Variants in ANKRD65 observed in about 807,000 individuals in gnomAD.
ANKRD65 encodes ankyrin repeat domain 65.
Under a neutral mutation model 17.2 loss-of-function variants are expected in ANKRD65, and 26 were observed. That is an observed-to-expected ratio of 1.51 (90% CI 1.11 to 2.09). The LOEUF is 2.09. Among genes scored for constraint, ANKRD65 ranks in the 30% most tolerant of loss-of-function variants. The pLI, the probability that ANKRD65 is intolerant of heterozygous loss-of-function variation, is 0.00. For missense variants in ANKRD65, 621 were observed against 542.2 expected, an observed-to-expected ratio of 1.15 and a Z score of -1.44; for synonymous variants, 311 against 272.2, an observed-to-expected ratio of 1.14 and a Z score of -1.40.
rs1207414070 is a variant in ANKRD65, at chr1:1,420,795, A to C, written c.209+2T>G. 6.5e-7 allele frequency: 1 copy of C among 1,544,564 alleles called. No homozygotes were observed. The highest frequency in any genetic ancestry group is 2.0e-5 in the Admixed American group (1 of 50,886). On this transcript the variant is annotated splice_donor_variant, in intron 2 of 3. Coordinates refer to ENST00000537107, the MANE Select transcript of ANKRD65 (RefSeq NM_001145210.3). LOFTEE classifies it high-confidence loss of function. Reference sequence around the variant, plus strand: ...CCCCTTCACCCCCCAGCGCAGGTGCACCTCTCCTCCACGCTGGCACCTTGC... The same window carrying C: ...CCCCTTCACCCCCCAGCGCAGGTGCCCCTCTCCTCCACGCTGGCACCTTGC...
At position 1,418,692 on chromosome 1, in the gene ANKRD65, A is replaced by G. The variant is rs1645487225; in HGVS notation, c.*408T>C. On this transcript the variant is annotated 3_prime_UTR_variant, in exon 4 of 4. Coordinates refer to ENST00000537107, the MANE Select transcript of ANKRD65 (RefSeq NM_001145210.3). ...TATGAATAACATCGGTTTCTAAGTT[A>G]TGAATTGATTTTCAACTACTGGGTT... The G allele has an allele frequency of 6.0e-6, 1 of 166,244 alleles. No individual in the cohort carries two copies. Among genetic ancestry groups the G allele is most frequent in the South Asian group, 2.0e-4 (1 of 5,068 alleles). 10.3% of individuals were successfully genotyped at this position (166,244 alleles called of 1,614,324 possible).
chr1:1,420,479 C>T lies in ANKRD65; in HGVS notation c.323G>A (p.Arg108His). Residue 108 changes from arginine (R) to histidine (H), a missense_variant, in exon 3 of 4, where the codon CGC becomes CAC. By Grantham distance (29) the Arg-to-His change is conservative. Coordinates refer to ENST00000537107, the MANE Select transcript of ANKRD65 (RefSeq NM_001145210.3). ...CCAGGCGGCCTCGTGCAGCGCGGTG[C>T]GCCCCGCCCGGTCCACCGCGCCCAC... ...APVGAVDRAG[R>H]TALHEAAWHG... 1.6e-6 allele frequency: 2 copies of T among 1,269,654 alleles called. No homozygotes were observed. Among genetic ancestry groups the T allele is most frequent in the South Asian group, 5.8e-5 (2 of 34,646 alleles). The allele number at this position is 1,269,654 out of a possible 1,614,324, so 78.6% of individuals were successfully genotyped here.
In ANKRD65 at chr1:1,418,432, G is replaced by A. The variant is rs1392249891; in HGVS notation, c.*668C>T. On this transcript the variant is annotated 3_prime_UTR_variant, in exon 4 of 4. Transcript: ENST00000537107. ...CTCAGACACCCAGTTGTAGAAGGAA[G>A]GGCTTTATTCAGCTGGGAGCATCGG... The A allele has an allele frequency of 6.6e-6, 1 of 152,252 alleles. No homozygotes were observed. The highest frequency in any genetic ancestry group is 1.5e-5 in the Non-Finnish European group (1 of 68,046). 9.4% of individuals were successfully genotyped at this position (152,252 alleles called of 1,614,324 possible).
chr1:1,419,109 G>A lies in ANKRD65; in HGVS notation c.1191C>T (p.Ser397=). Residue 397 remains serine (S), a synonymous_variant, in exon 4 of 4, where the codon TCC becomes TCT. Transcript: ENST00000537107. Reference sequence around the variant, plus strand: ...GAGCCTGCTGTCTGGCTCAGCCCGTGGACTCTATGCCCTCACACTCCTTCT... The same window carrying A: ...GAGCCTGCTGTCTGGCTCAGCCCGTAGACTCTATGCCCTCACACTCCTTCT... ...GGEKECEGIE[S]TG The A allele has an allele frequency of 6.6e-7, 1 of 1,504,052 alleles. No individual in the cohort carries two copies. The highest frequency in any genetic ancestry group is 8.9e-7 in the Non-Finnish European group (1 of 1,118,638). The allele number at this position is 1,504,052 out of a possible 1,614,324, so 93.2% of individuals were successfully genotyped here. A position where few individuals can be genotyped will look rare whatever the true frequency, so the allele number is the denominator to read the frequency against.
In ANKRD65 at chr1:1,420,334, G is replaced by A. The variant is rs1433255783; in HGVS notation, c.468C>T (p.Ala156=). 3.5e-6 allele frequency: 4 copies of A among 1,150,568 alleles called. No homozygotes were observed. The highest frequency in any genetic ancestry group is 3.3e-5 in the African/African-American group (2 of 60,100). 71.3% of individuals were successfully genotyped at this position (1,150,568 alleles called of 1,614,324 possible). A position where few individuals can be genotyped will look rare whatever the true frequency, so the allele number is the denominator to read the frequency against. The change falls in exon 3 of 4, where the codon GCC becomes GCT. Residue 156 remains alanine (A), a synonymous_variant. Coordinates refer to ENST00000537107, the MANE Select transcript of ANKRD65 (RefSeq NM_001145210.3). The part of the protein sequence containing the change: ...WAAALGHTLL[A]ARLLEAPGPG... Reference sequence around the variant, plus strand: ...GGCCCGGAGCCTCCAGCAGGCGCGCGGCCAGCAGCGTGTGGCCCAGGGCAG... The same window carrying A: ...GGCCCGGAGCCTCCAGCAGGCGCGCAGCCAGCAGCGTGTGGCCCAGGGCAG...
rs527951895 is a variant in ANKRD65 at position 1,420,432 on chromosome 1, C to T, written c.370G>A (p.Glu124Lys). Residue 124 changes from glutamate to lysine, a missense_variant, in exon 3 of 4, where the codon GAG becomes AAG. Glu to Lys is a moderately conservative substitution (Grantham distance 56). Coordinates refer to ENST00000537107, the MANE Select transcript of ANKRD65 (RefSeq NM_001145210.3). ...AAWHGHSRVAELLLQRGASAA... is the reference protein window; with the variant it reads ...AAWHGHSRVAKLLLQRGASAA... ...GAGGCCCCGCGCTGCAGCAGCAGCT[C>T]GGCCACCCGCGAGTGTCCGTGCCAG... The T allele has an allele frequency of 3.0e-6, 4 of 1,328,408 alleles. No homozygotes were observed. Among genetic ancestry groups the T allele is most frequent in the East Asian group, 3.4e-5 (1 of 29,490 alleles). 82.3% of individuals were successfully genotyped at this position (1,328,408 alleles called of 1,614,324 possible).
At chr1:1,421,034 CTGT>C (rs1645549214) in intron 1 of ANKRD65, 29 bp from the exon 2 acceptor site, 1 of 1,548,086 alleles carries the variant, frequency 6.5e-7, no homozygotes, top group Admixed American at 2.0e-5. Flanking sequence ...CCTACATCCA[CTGT>C]GGAGGCCTCT....
Position 1,420,302 on chromosome 1 carries a change from G to T in ANKRD65, c.500C>A (p.Pro167His). The change falls in exon 3 of 4, where the codon CCC becomes CAC. Residue 167 changes from proline (P) to histidine (H), a missense_variant. Physicochemically the swap from Pro to His is moderately conservative, Grantham distance 77. Transcript: ENST00000537107. Reference sequence around the variant, plus strand: ...CGCGTCCTCCGCCTCCGCTGCCGCGGGTCCCGGGCCCGGAGCCTCCAGCAG... The same window carrying T: ...CGCGTCCTCCGCCTCCGCTGCCGCGTGTCCCGGGCCCGGAGCCTCCAGCAG... ...ARLLEAPGPG[P>H]AAAEAEDARG... 1 of 1,063,450 alleles carries T rather than the reference G, an allele frequency of 9.4e-7. No individual in the cohort carries two copies. Among genetic ancestry groups the T allele is most frequent in the South Asian group, 4.2e-5 (1 of 24,062 alleles). 65.9% of individuals were successfully genotyped at this position (1,063,450 alleles called of 1,614,324 possible).
intron 2 of ANKRD65, 95 bp from the exon 3 acceptor site, chr1:1,420,687 C>A: frequency 3.2e-6 from 4 of 1,261,634 alleles, no homozygotes; most frequent in South Asian, 3.4e-5. Flanking sequence ...AGCGCTGGGA[C>A]CCCCGTCCTA....
chr1:1,418,889 G>T lies in ANKRD65; in HGVS notation c.*211C>A. The stretch of plus-strand genomic sequence containing the variant: ...CATTCTTTGTTGAAGTATGGAGAAG[G>T]CTGGAGCTGCAGGGTCAGTGGGCCC... On this transcript the variant is annotated 3_prime_UTR_variant, in exon 4 of 4. Transcript: ENST00000537107. 1 of 528,952 alleles carries T rather than the reference G, an allele frequency of 1.9e-6. No individual in the cohort carries two copies. The highest frequency in any genetic ancestry group is 3.3e-5 in the Admixed American group (1 of 30,070). The allele number at this position is 528,952 out of a possible 1,614,324, so 32.8% of individuals were successfully genotyped here.
At chr1:1,419,731 C>T (rs1645510877) in intron 3 of ANKRD65, among the ~76,000 whole-genome samples, 182 bp from the exon 4 acceptor site, 1 of 152,212 alleles carries the variant, frequency 6.6e-6, no homozygotes, top group African/African-American at 2.4e-5. Context: ...CACTTTTCCC[C>T]CTAAGAGTCC....
At position 1,420,293 on chromosome 1, in the gene ANKRD65, G is replaced by A. The variant is rs1463438947; in HGVS notation, c.509C>T (p.Ala170Val). 2.9e-6 allele frequency: 3 copies of A among 1,044,864 alleles called. No homozygotes were observed. Among genetic ancestry groups the A allele is most frequent in the African/African-American group, 1.7e-5 (1 of 57,894 alleles). The allele number at this position is 1,044,864 out of a possible 1,614,324, so 64.7% of individuals were successfully genotyped here. A position where few individuals can be genotyped will look rare whatever the true frequency, so the allele number is the denominator to read the frequency against. ...CCAGCCGCGCGCGTCCTCCGCCTCC[G>A]CTGCCGCGGGTCCCGGGCCCGGAGC... ...LEAPGPGPAA[A>V]EAEDARGWTA... Residue 170 changes from alanine to valine, a missense_variant, in exon 3 of 4, where the codon GCG (alanine) becomes GTG (valine). By Grantham distance (64) the Ala-to-Val change is moderately conservative. Coordinates refer to ENST00000537107, the MANE Select transcript of ANKRD65 (RefSeq NM_001145210.3).
At chr1:1,421,087 C>G in intron 1 of ANKRD65, 46 bp downstream of exon 1, 1 of 1,374,964 alleles carries the variant, frequency 7.3e-7, no homozygotes, top group Non-Finnish European at 1.0e-6. Flanking sequence ...CTGGAGCCCC[C>G]CATTCCAGTT....
rs553296673 is a variant in ANKRD65, at chr1:1,418,601, C to G, written c.*499G>C. ...ACGTGACAGGGGCTGCATGCACCGGCGGTCAGAGAGAAACAGAACACGGCA... is the reference window on the plus strand; with the variant it reads ...ACGTGACAGGGGCTGCATGCACCGGGGGTCAGAGAGAAACAGAACACGGCA... On this transcript the variant is annotated 3_prime_UTR_variant, in exon 4 of 4. Coordinates refer to ENST00000537107, the MANE Select transcript of ANKRD65 (RefSeq NM_001145210.3). The G allele has an allele frequency of 6.6e-6, 1 of 152,662 alleles. No homozygotes were observed. The highest frequency in any genetic ancestry group is 2.4e-5 in the African/African-American group (1 of 41,394). 9.5% of individuals were successfully genotyped at this position (152,662 alleles called of 1,614,324 possible).
Position 1,419,356 on chromosome 1 carries a change from A to C in ANKRD65, c.944T>G (p.Val315Gly). The change falls in exon 4 of 4, where the codon GTG becomes GGG. Residue 315 changes from valine to glycine, a missense_variant. By Grantham distance (109) the Val-to-Gly change is moderately radical. Coordinates refer to ENST00000537107, the MANE Select transcript of ANKRD65 (RefSeq NM_001145210.3). ...GTCCAGCAGGCAGCCGGCAACCTCC[A>C]CGTGGCCTTCCCGAGAGGCGTGATG... ...PLHHASREGH[V>G]EVAGCLLDRG... 3 of 1,550,282 alleles carry C rather than the reference A, an allele frequency of 1.9e-6. No individual in the cohort carries two copies. Among genetic ancestry groups the C allele is most frequent in the Non-Finnish European group, 2.6e-6 (3 of 1,146,842 alleles).
Position 1,420,985 on chromosome 1 carries a change from C to T in ANKRD65, c.21G>A (p.Glu7=), listed in dbSNP as rs1645547832. The T allele has an allele frequency of 1.3e-6, 2 of 1,550,388 alleles. No homozygotes were observed. Among genetic ancestry groups the T allele is most frequent in the Non-Finnish European group, 1.7e-6 (2 of 1,146,944 alleles). The change falls in exon 2 of 4, where the codon GAG becomes GAA. Residue 7 remains glutamate (E), a synonymous_variant. Coordinates refer to ENST00000537107, the MANE Select transcript of ANKRD65 (RefSeq NM_001145210.3). ...GTTCCTCCTCCTCCTCCTCTCTGGGCTCAGGCCTCTGGGAGTCCATCTGGG... is the reference window on the plus strand; with the variant it reads ...GTTCCTCCTCCTCCTCCTCTCTGGGTTCAGGCCTCTGGGAGTCCATCTGGG... MDSQRP[E]PREEEEEEQE... is the part of the protein sequence containing the mutation.
In ANKRD65 at chr1:1,418,573, G is replaced by A. The variant is rs1645485027; in HGVS notation, c.*527C>T. ...TCGTCATTGATTTGAGCAAGCAGGC[G>A]GTACGTGACAGGGGCTGCATGCACC... On this transcript the variant is annotated 3_prime_UTR_variant, in exon 4 of 4. Transcript: ENST00000537107. 1.3e-5 allele frequency: 2 copies of A among 152,444 alleles called. No homozygotes were observed. Among genetic ancestry groups the A allele is most frequent in the Admixed American group, 6.5e-5 (1 of 15,292 alleles). 9.4% of individuals were successfully genotyped at this position (152,444 alleles called of 1,614,324 possible).
intron 3 of ANKRD65, 87 bp downstream of exon 3, chr1:1,419,965 C>G (rs981247840): frequency 5.1e-6 from 6 of 1,180,598 alleles, no homozygotes; most frequent in Non-Finnish European, 6.3e-6. Flanking sequence ...GTCCCCCAGC[C>G]TGGCTCCAGC....
chr1:1,419,957 C>T, intron 3 of ANKRD65, 95 bp downstream of exon 3: 1 of 1,164,894 alleles, frequency 8.6e-7, no homozygotes, highest in African/African-American at 1.6e-5. Context: ...TGGACACCGT[C>T]CCCCAGCCTG....
Sources: allele counts gnomAD v4.1 joint callset (sites outside exome capture counted in the v4.1 genomes callset), GRCh38; gene constraint gnomAD v4.1.1; transcripts MANE v1.5; gene names NCBI Gene and HGNC (gene_info 2026-07-23, HGNC 2026-07-21).